GPHN: variants seen among roughly 807,000 people sequenced by gnomAD.
GPHN encodes gephyrin.
Under a neutral mutation model 95.5 loss-of-function variants are expected in GPHN, and 17 were observed. The observed-to-expected ratio is 0.18, with a 90% confidence interval of 0.12 to 0.27. The LOEUF (loss-of-function observed/expected upper bound fraction) is 0.27, where lower values mean the gene tolerates loss of function less well. GPHN is among the 10% of genes least tolerant of loss of function. The pLI is 1.00. For synonymous variants in GPHN, 320 were observed against 322.5 expected, an observed-to-expected ratio of 0.99 and a Z score of 0.08; for missense variants, 660 against 978.1, an observed-to-expected ratio of 0.67 and a Z score of 4.34.
the GPHN span, among the ~76,000 whole-genome samples, chr14:67,653,927 T>C: frequency 6.6e-6 from 1 of 152,244 alleles, no homozygotes; most frequent in African/African-American, 2.4e-5. Flanking sequence ...ATCTGGTTTT[T>C]TTCTTTACCC....
intron 1 of GPHN, among the ~76,000 whole-genome samples, chr14:66,509,920 G>C (rs1461129221): frequency 1.3e-5 from 2 of 152,136 alleles, no homozygotes; most frequent in African/African-American, 4.8e-5. Context: ...TTTATGAAAA[G>C]GTGATATCCA....
intron 3 of GPHN, among the ~76,000 whole-genome samples, chr14:66,805,392 A>G (rs2060506162): frequency 2.0e-5 from 3 of 152,094 alleles, no homozygotes; most frequent in African/African-American, 7.2e-5. Flanking sequence ...GCCCCTCCCA[A>G]ATCTCATACC....
intron 3 of GPHN, among the ~76,000 whole-genome samples, chr14:66,800,662 G>A (rs901821593): frequency 1.3e-5 from 2 of 151,828 alleles, no homozygotes; most frequent in Non-Finnish European, 2.9e-5. Context: ...AATACCATGA[G>A]GTATTAAATA....
chr14:67,188,568 G>C, the GPHN span, among the ~76,000 whole-genome samples: 1 of 152,108 alleles, frequency 6.6e-6, no homozygotes, highest in African/African-American at 2.4e-5. Flanking sequence ...TTACTCAGTG[G>C]GACTATAGGT....
At chr14:66,746,602 C>G (rs1012216690) in intron 2 of GPHN, among the ~76,000 whole-genome samples, 6 of 150,214 alleles carry the variant, frequency 4.0e-5, no homozygotes, top group African/African-American at 1.5e-4. Context: ...AAGTTCAAAA[C>G]AACTTTATGT....
At chr14:66,698,296 T>G (rs1316028209) in intron 2 of GPHN, among the ~76,000 whole-genome samples, 2 of 152,160 alleles carry the variant, frequency 1.3e-5, no homozygotes, top group Admixed American at 1.3e-4. Flanking sequence ...GAATAAGATT[T>G]GTCCTCTGAT....
chr14:67,361,842 A>G, the GPHN span, among the ~76,000 whole-genome samples: 4 of 152,208 alleles, frequency 2.6e-5, no homozygotes, highest in African/African-American at 7.2e-5. Context: ...CTCCTACGCT[A>G]GTACTTATTA....
intron 1 of GPHN, among the ~76,000 whole-genome samples, chr14:66,668,082 A>G (rs1204803089): frequency 1.3e-5 from 2 of 152,240 alleles, no homozygotes; most frequent in East Asian, 3.8e-4. Context: ...CCACAGTGAG[A>G]TATCATATCC....
the GPHN span, chr14:67,302,034 TGA>T: frequency 1.2e-6 from 2 of 1,611,200 alleles, no homozygotes; most frequent in South Asian, 1.1e-5. Context: ...CCATTACAGA[TGA>T]GAGAGTTTAT....
At chr14:67,179,418 T>C (rs2083202006) in intron 21 of GPHN, among the ~76,000 whole-genome samples, 160 bp from the exon 22 acceptor site, 1 of 152,138 alleles carries the variant, frequency 6.6e-6, no homozygotes, top group Non-Finnish European at 1.5e-5. Context: ...TTAAATTTTA[T>C]TTAAAAAGAA....
At chr14:66,612,627 C>T (rs373559764) in intron 1 of GPHN, among the ~76,000 whole-genome samples, 1 of 152,020 alleles carries the variant, frequency 6.6e-6, no homozygotes, top group Non-Finnish European at 1.5e-5. Context: ...TGGACAATTA[C>T]GACAATTAAG....
At chr14:67,103,583 T>C (rs191923151) in intron 13 of GPHN, among the ~76,000 whole-genome samples, 4 of 146,780 alleles carry the variant, frequency 2.7e-5, no homozygotes, top group Non-Finnish European at 6.0e-5. Flanking sequence ...GTTTTCCTTA[T>C]ACAGATTTTT....
the GPHN span, chr14:67,729,213 A>C: frequency 6.2e-7 from 1 of 1,612,442 alleles, no homozygotes; most frequent in Non-Finnish European, 8.5e-7. Flanking sequence ...CCACCTACGC[A>C]GTGCACCCAG....
intron 1 of GPHN, among the ~76,000 whole-genome samples, chr14:66,666,448 T>A (rs2065964027): frequency 6.6e-6 from 1 of 151,602 alleles, no homozygotes; most frequent in Non-Finnish European, 1.5e-5. Flanking sequence ...TTAAATAGGC[T>A]TTATCCCTGG....
the GPHN span, chr14:67,619,937 G>A: frequency 2.2e-6 from 3 of 1,392,198 alleles, no homozygotes; most frequent in Non-Finnish European, 2.9e-6. Flanking sequence ...GCTTCCAACC[G>A]CGCGGAGCCT....
the GPHN span, chr14:67,573,671 A>G: frequency 1.4e-6 from 1 of 720,784 alleles, no homozygotes; most frequent in African/African-American, 1.7e-5. The surrounding 1 kb of genome is among the most constrained non-coding windows in gnomAD (Gnocchi z 4.8). Flanking sequence ...GTCACCCATC[A>G]TAACACAGCC....
chr14:66,625,634 A>G (rs538139768), intron 1 of GPHN, among the ~76,000 whole-genome samples: 2 of 152,174 alleles, frequency 1.3e-5, no homozygotes, highest in Non-Finnish European at 2.9e-5. Context: ...TTCTTCCTCC[A>G]ATGCCTGTTT....
chr14:67,432,774 G>T, the GPHN span, among the ~76,000 whole-genome samples: 2 of 152,082 alleles, frequency 1.3e-5, no homozygotes, highest in African/African-American at 4.8e-5. Flanking sequence ...GCTGCCTTAT[G>T]GTGGTTGCCG....
the GPHN span, among the ~76,000 whole-genome samples, chr14:67,289,769 C>CTTTTTTTTT: frequency 7.8e-6 from 1 of 128,346 alleles, no homozygotes; most frequent in African/African-American, 3.4e-5. Flanking sequence ...TTTCCATGTC[C>CTTTTTTTTT]TTTTTTTTTT....
Sources: allele counts gnomAD v4.1 joint callset (sites outside exome capture counted in the v4.1 genomes callset), GRCh38; gene constraint gnomAD v4.1.1; non-coding constraint Gnocchi (gnomAD v3.1); transcripts MANE v1.5; gene names NCBI Gene and HGNC (gene_info 2026-07-23, HGNC 2026-07-21).